Variants in NMT2 observed in about 807,000 individuals in gnomAD.
NMT2 encodes the protein glycylpeptide N-tetradecanoyltransferase 2.
In NMT2, 35 loss-of-function variants were observed where a neutral mutation model predicts 65.4. That is an observed-to-expected ratio of 0.54 (90% confidence interval 0.41 to 0.71). The LOEUF is 0.71. Ranked by LOEUF, NMT2 falls within the 30% of genes least tolerant of loss-of-function variation. The pLI is 0.00. For missense variants in NMT2, 489 were observed against 611.3 expected, an observed-to-expected ratio of 0.80 and a Z score of 2.11; for synonymous variants, 226 against 231.8, an observed-to-expected ratio of 0.98 and a Z score of 0.23.
chr10:15,119,271 A>T, intron 9 of NMT2, 72 bp downstream of exon 9: 4 of 1,359,108 alleles, frequency 2.9e-6, no homozygotes, highest in Non-Finnish European at 4.1e-6. Flanking sequence ...AGTGTGTGTA[A>T]ATAATTCTGC....
intron 8 of NMT2, among the ~76,000 whole-genome samples, chr10:15,122,292 G>C (rs1372865501): frequency 6.6e-6 from 1 of 152,138 alleles, no homozygotes; most frequent in Non-Finnish European, 1.5e-5. Context: ...TCCTTCTAGA[G>C]CAAAACATTC....
At position 15,132,858 on chromosome 10, in the gene NMT2, C is replaced by T. The variant is rs748227461; in HGVS notation, c.678G>A (p.Gly226=). 2 of 1,613,784 alleles carry T rather than the reference C, an allele frequency of 1.2e-6. No homozygotes were observed. The highest frequency in any genetic ancestry group is 2.7e-5 in the African/African-American group (2 of 74,906). Residue 226 remains glycine (G), a synonymous_variant, in exon 6 of 12, where the codon GGG becomes GGA. Coordinates refer to ENST00000378165, the MANE Select transcript of NMT2 (RefSeq NM_004808.3). ...VRVSSNKKLV[G]FISAIPANIR... is the part of the protein sequence containing the mutation. Reference sequence around the variant, plus strand: ...TGTTTGCTGGGATGGCACTTATGAACCCGACCAGTTTTTTATTTGAAGACA... The same window carrying T: ...TGTTTGCTGGGATGGCACTTATGAATCCGACCAGTTTTTTATTTGAAGACA...
At chr10:15,143,210 A>G (rs1053805554) in intron 1 of NMT2, among the ~76,000 whole-genome samples, 3 of 152,314 alleles carry the variant, frequency 2.0e-5, no homozygotes, top group African/African-American at 4.8e-5. Flanking sequence ...GCAACTTACT[A>G]TCAAGTAATT....
intron 1 of NMT2, chr10:15,154,740 T>A (rs142824085): frequency 3.5e-5 from 21 of 592,514 alleles, no homozygotes; most frequent in Middle Eastern, 3.4e-4. Flanking sequence ...GTGGAGGGTG[T>A]TCTTCTGAGC....
intron 1 of NMT2, among the ~76,000 whole-genome samples, chr10:15,143,236 T>C (rs1409292997): frequency 1.3e-5 from 2 of 152,214 alleles, no homozygotes; most frequent in African/African-American, 2.4e-5. Context: ...ACATTTACTA[T>C]GTGTTCAGCA....
intron 2 of NMT2, chr10:15,138,367 G>T: frequency 2.1e-6 from 1 of 470,936 alleles, no homozygotes; most frequent in Non-Finnish European, 4.4e-6. Flanking sequence ...AAATCCACAG[G>T]GACAAAGCAG....
rs926363292 is a variant in NMT2, at chr10:15,107,110, A to T, written c.*2085T>A. On this transcript the variant is annotated 3_prime_UTR_variant, in exon 12 of 12. Transcript: ENST00000378165. ...GACAATAGAGTGAGACCCTGTCCTA[A>T]AAAAAAAAAAAAAAAAAGTATGGCT... Among the ~76,000 whole-genome samples the T allele has an allele frequency of 4.4e-3, 32 of 7,340 alleles. No homozygotes were observed. In the Admixed American group the frequency reaches 0.047, roughly 11 times the overall value. 4.8% of individuals were successfully genotyped at this position (7,340 alleles called of 152,430 possible). A position where few individuals can be genotyped will look rare whatever the true frequency, so the allele number is the denominator to read the frequency against.
chr10:15,145,903 G>A (rs889639254), intron 1 of NMT2, among the ~76,000 whole-genome samples: 1 of 152,118 alleles, frequency 6.6e-6, no homozygotes, highest in South Asian at 2.1e-4. Context: ...CCCCGTGCCT[G>A]GGTGGGAGAG....
chr10:15,139,245 C>T (rs887980031), intron 2 of NMT2, among the ~76,000 whole-genome samples: 1 of 147,104 alleles, frequency 6.8e-6, no homozygotes, highest in African/African-American at 2.5e-5. Context: ...ACTTAATAAA[C>T]TCCCCTCTAT....
chr10:15,130,393 A>C, intron 6 of NMT2, 81 bp from the exon 7 acceptor site: 1 of 1,037,056 alleles, frequency 9.6e-7, no homozygotes, highest in Non-Finnish European at 1.3e-6. Flanking sequence ...AAATAAGATG[A>C]TACCCAGGAA....
intron 8 of NMT2, among the ~76,000 whole-genome samples, chr10:15,128,005 G>C (rs1454342740): frequency 1.3e-5 from 2 of 152,118 alleles, no homozygotes; most frequent in Non-Finnish European, 2.9e-5. Flanking sequence ...CTCTACACTT[G>C]ATTCCTGAGT....
At position 15,119,356 on chromosome 10, in the gene NMT2, G is replaced by A. The variant is rs139987933; in HGVS notation, c.1157C>T (p.Thr386Met). Residue 386 changes from threonine (T) to methionine (M), a missense_variant, in exon 9 of 12, where the codon ACG becomes ATG. Thr to Met is a moderately conservative substitution (Grantham distance 81). Transcript: ENST00000378165. ...WFLPREHIID[T>M]FVVESPNGKL... ...CCTTGTCTTTACCTCCACTACAAAC[G>A]TGTCAATAATGTGCTCCCGGGGGAG... 153 of 1,613,936 alleles carry A rather than the reference G, an allele frequency of 9.5e-5. No individual in the cohort carries two copies. Among genetic ancestry groups the A allele is most frequent in the Non-Finnish European group, 1.3e-4 (149 of 1,180,002 alleles).
At chr10:15,126,428 TAAA>T (rs542212016) in intron 8 of NMT2, among the ~76,000 whole-genome samples, 9 of 130,514 alleles carry the variant, frequency 6.9e-5, no homozygotes, top group Admixed American at 7.9e-5. Flanking sequence ...GCCTCCATCT[TAAA>T]AAAAAAAAAA....
At chr10:15,113,045 T>C in intron 9 of NMT2, 82 bp from the exon 10 acceptor site, 1 of 1,397,066 alleles carries the variant, frequency 7.2e-7, no homozygotes, top group Non-Finnish European at 1.0e-6. Context: ...TTCTCTCCCT[T>C]GCCCCAGAGA....
chr10:15,127,580 A>AAAAAAAT, intron 8 of NMT2, among the ~76,000 whole-genome samples: 2 of 71,504 alleles, frequency 2.8e-5, no homozygotes, highest in East Asian at 5.7e-4. Flanking sequence ...ATAAATAAAT[A>AAAAAAAT]AATAAATAAA....
chr10:15,112,749 C>T, intron 10 of NMT2, 47 bp downstream of exon 10: 1 of 1,548,540 alleles, frequency 6.5e-7, no homozygotes, highest in Non-Finnish European at 8.7e-7. Context: ...TAGTTTGGCA[C>T]AGACATTTGG....
At chr10:15,152,651 G>C (rs1255355324) in intron 1 of NMT2, among the ~76,000 whole-genome samples, 1 of 152,202 alleles carries the variant, frequency 6.6e-6, no homozygotes, top group African/African-American at 2.4e-5. Flanking sequence ...GACAAAGTAT[G>C]TACTTGTCAA....
intron 7 of NMT2, 95 bp from the exon 8 acceptor site, chr10:15,128,553 G>A (rs1846175087): frequency 2.7e-6 from 2 of 748,244 alleles, no homozygotes; most frequent in South Asian, 1.6e-5. Flanking sequence ...AGCATTTACT[G>A]AATACTTACG....
chr10:15,127,058 C>T (rs1393481254), intron 8 of NMT2, among the ~76,000 whole-genome samples: 1 of 148,536 alleles, frequency 6.7e-6, no homozygotes, highest in African/African-American at 2.5e-5. Flanking sequence ...TGGTGAAACC[C>T]CCGCCATCTC....
Sources: gnomAD v4.1 joint callset for allele counts (sites outside exome capture counted in the v4.1 genomes callset) on GRCh38, gnomAD v4.1.1 for gene constraint, MANE v1.5 for transcripts, NCBI Gene and HGNC (gene_info 2026-07-23, HGNC 2026-07-21) for gene names.